GLIS1: variants seen among roughly 807,000 people sequenced by gnomAD.
GLIS1 encodes GLIS family zinc finger 1.
In GLIS1, 24 loss-of-function variants were observed where a neutral mutation model predicts 63.8. The observed-to-expected ratio is 0.38, with a 90% CI of 0.27 to 0.53. The LOEUF (loss-of-function observed/expected upper bound fraction) is 0.53, where lower values mean the gene tolerates loss of function less well. GLIS1 is among the 20% of genes least tolerant of loss of function. The pLI is 0.85. For missense variants in GLIS1, 1,036 were observed against 1,074.1 expected, an observed-to-expected ratio of 0.96 and a Z score of 0.50; for synonymous variants, 450 against 482.5, an observed-to-expected ratio of 0.93 and a Z score of 0.88.
At chr1:53,628,656 C>T (rs1645621446) in intron 2 of GLIS1, among the ~76,000 whole-genome samples, 1 of 152,112 alleles carries the variant, frequency 6.6e-6, no homozygotes, top group Non-Finnish European at 1.5e-5. Flanking sequence ...GTGCACCCAC[C>T]CACAGGCACC....
At chr1:53,595,088 G>C in intron 3 of GLIS1, 98 bp from the exon 4 acceptor site, 1 of 1,116,836 alleles carries the variant, frequency 9.0e-7, no homozygotes, top group Non-Finnish European at 1.2e-6. Context: ...TCAAGGGATG[G>C]ACAAGCCCAG....
chr1:53,632,599 ACATGTGAATGAGTGTGACGGAGGGG>A (rs1286861432), intron 2 of GLIS1, among the ~76,000 whole-genome samples: 13 of 101,522 alleles, frequency 1.3e-4, no homozygotes, highest in East Asian at 9.4e-4. Context: ...TGACTGAGGG[ACATGTGAATGAGTGTGACGGAGGGG>A]CATGTGAATG....
In GLIS1 at chr1:53,526,566, CCA is replaced by C. The variant is rs4061942; in HGVS notation, c.1483-1681_1483-1680del. Among the ~76,000 whole-genome samples the C allele has an allele frequency of 0.083, 12,516 of 151,460 alleles. 1,246 individuals are homozygous for C. Among genetic ancestry groups the C allele is most frequent in the East Asian group, 0.5 (2,548 of 5,090 alleles). ...ACACACACACACAAAACCACCACCACCACACACACACACCACACCATACACAC... is the reference window on the plus strand; with the variant it reads ...ACACACACACACAAAACCACCACCACCACACACACACCACACCATACACAC... On this transcript the variant is annotated intron_variant, in intron 5 of 10. Coordinates refer to ENST00000628545, the MANE Select transcript of GLIS1 (RefSeq NM_001367484.1). The surrounding 1 kb of genome is among the most constrained non-coding windows in gnomAD (Gnocchi z 4.4).
chr1:53,634,479 G>C (rs1294861269), intron 2 of GLIS1, among the ~76,000 whole-genome samples: 1 of 152,194 alleles, frequency 6.6e-6, no homozygotes, highest in Non-Finnish European at 1.5e-5. Context: ...AGCGTTTCCA[G>C]GCGTGTAGAA....
chr1:53,709,411 TACAC>T lies in GLIS1; in HGVS notation c.259+28391_259+28394del, dbSNP rs57887584. The stretch of plus-strand genomic sequence containing the variant: ...ATATATATACATATACATATATATA[TACAC>T]ACACACACACACACACACACACACA... On this transcript the variant is annotated intron_variant, in intron 2 of 10. Transcript: ENST00000628545. Among the ~76,000 whole-genome samples the T allele has an allele frequency of 7.1e-3, 106 of 14,878 alleles. 2 individuals are homozygous for T. The highest frequency in any genetic ancestry group is 8.3e-3 in the African/African-American group (98 of 11,766). 9.8% of individuals were successfully genotyped at this position (14,878 alleles called of 152,430 possible).
At chr1:53,707,968 A>C in intron 2 of GLIS1, among the ~76,000 whole-genome samples, 1 of 151,848 alleles carries the variant, frequency 6.6e-6, no homozygotes, top group Middle Eastern at 3.4e-3. Flanking sequence ...AACCTGATGA[A>C]GCTCTCCCCA....
chr1:53,616,203 T>G (rs1016471390), intron 2 of GLIS1, among the ~76,000 whole-genome samples: 1 of 152,140 alleles, frequency 6.6e-6, no homozygotes, highest in Non-Finnish European at 1.5e-5. Flanking sequence ...TAGAGCCCCA[T>G]ATAAGCCCCT....
chr1:53,506,919 C>A (rs1041143435), intron 10 of GLIS1, 143 bp from the exon 11 acceptor site: 2 of 874,402 alleles, frequency 2.3e-6, no homozygotes, highest in African/African-American at 1.7e-5. Context: ...GAGCCCCCAA[C>A]TTTTCCAAAT....
At chr1:53,576,025 C>T (rs1273439036) in intron 4 of GLIS1, among the ~76,000 whole-genome samples, 2 of 152,094 alleles carry the variant, frequency 1.3e-5, no homozygotes, top group African/African-American at 4.8e-5. Flanking sequence ...AGCAAAACAC[C>T]CTCAGAGGAG....
intron 4 of GLIS1, among the ~76,000 whole-genome samples, chr1:53,533,988 G>A (rs1644557444): frequency 6.6e-6 from 1 of 152,118 alleles, no homozygotes; most frequent in African/African-American, 2.4e-5. Context: ...CAGCACAGGG[G>A]TTACACACAC....
At chr1:53,654,123 T>C (rs568981791) in intron 2 of GLIS1, among the ~76,000 whole-genome samples, 3 of 152,324 alleles carry the variant, frequency 2.0e-5, no homozygotes, top group Admixed American at 1.3e-4. Context: ...ACCTGCACAG[T>C]TGAGCCTGGC....
intron 2 of GLIS1, among the ~76,000 whole-genome samples, chr1:53,728,432 T>C (rs1646826622): frequency 1.3e-5 from 2 of 152,144 alleles, no homozygotes; most frequent in South Asian, 4.2e-4. Context: ...ACAACAGCCT[T>C]GGAGATCATT....
intron 4 of GLIS1, among the ~76,000 whole-genome samples, chr1:53,533,533 G>C (rs1644552144): frequency 6.6e-6 from 1 of 152,234 alleles, no homozygotes; most frequent in South Asian, 2.1e-4. Flanking sequence ...CCACAGGCTG[G>C]GGTATAATGA....
intron 2 of GLIS1, among the ~76,000 whole-genome samples, chr1:53,615,887 T>C (rs1335609653): frequency 6.6e-6 from 1 of 152,058 alleles, no homozygotes; most frequent in Admixed American, 6.6e-5. Context: ...TAGTTGGGAT[T>C]ACAGGCGTGC....
At chr1:53,630,963 C>T (rs1289827289) in intron 2 of GLIS1, among the ~76,000 whole-genome samples, 6 of 152,234 alleles carry the variant, frequency 3.9e-5, no homozygotes, top group African/African-American at 1.4e-4. Context: ...TCTTCCTCTG[C>T]CAAGTGTCTG....
chr1:53,511,179 G>C lies in GLIS1; in HGVS notation c.1884-1152C>G, dbSNP rs1480416502. Among the ~76,000 whole-genome samples the C allele has an allele frequency of 6.6e-6, 1 of 152,256 alleles. No individual in the cohort carries two copies. Among genetic ancestry groups the C allele is most frequent in the Admixed American group, 6.5e-5 (1 of 15,290 alleles). On this transcript the variant is annotated intron_variant, in intron 8 of 10. Coordinates refer to ENST00000628545, the MANE Select transcript of GLIS1 (RefSeq NM_001367484.1). This position sits in a 1 kb window ranked among gnomAD's most constrained non-coding sequence, Gnocchi z 4.2. The stretch of plus-strand genomic sequence containing the variant: ...TGTACATGGCAGAAAGAGGGAGATA[G>C]TGAGAGCTCGGAGTCCCCATTTTCT...
intron 2 of GLIS1, among the ~76,000 whole-genome samples, chr1:53,634,299 G>C (rs1237824593): frequency 6.6e-6 from 1 of 152,182 alleles, no homozygotes; most frequent in Non-Finnish European, 1.5e-5. Context: ...GACAGTGTTT[G>C]AAATGCAGTA....
chr1:53,660,939 G>A (rs181208876), intron 2 of GLIS1, among the ~76,000 whole-genome samples: 2 of 152,330 alleles, frequency 1.3e-5, no homozygotes, highest in Non-Finnish European at 2.9e-5. Context: ...ACCACAGGGG[G>A]AGGTGGCCAT....
chr1:53,686,968 G>C (rs1646343747), intron 2 of GLIS1, among the ~76,000 whole-genome samples: 3 of 152,148 alleles, frequency 2.0e-5, no homozygotes, highest in African/African-American at 7.2e-5. Flanking sequence ...CTTTGCCCTG[G>C]TACACAGTGG....
Sources: gnomAD v4.1 joint callset for allele counts (sites outside exome capture counted in the v4.1 genomes callset) on GRCh38, gnomAD v4.1.1 for gene constraint, Gnocchi (gnomAD v3.1) non-coding constraint, MANE v1.5 for transcripts, NCBI Gene and HGNC (gene_info 2026-07-23, HGNC 2026-07-21) for gene names.